The following PPFIA2 variants were observed in gnomAD, a reference collection of about 807,000 sequenced individuals.
PPFIA2 encodes liprin-alpha-2.
PPFIA2 carries 46 observed loss-of-function variants against 175.5 expected under a neutral mutation model. The ratio of observed to expected loss-of-function variants is 0.26; its 90% CI spans 0.21 to 0.34. The LOEUF is 0.34. Among genes scored for constraint, PPFIA2 ranks in the 10% least tolerant of loss-of-function variants. The pLI is 1.00. For synonymous variants in PPFIA2, 568 were observed against 511.4 expected (o/e 1.11, Z -1.49); for missense variants, 1,179 against 1,506.1 (o/e 0.78, Z 3.60).
intron 4 of PPFIA2, among the ~76,000 whole-genome samples, chr12:81,566,102 C>T (rs956864403): frequency 3.4e-4 from 51 of 152,110 alleles, no homozygotes; most frequent in Non-Finnish European, 1.5e-4. Context: ...GTCTGAAGAT[C>T]AAATACTGAG....
At chr12:81,577,504 A>G (rs1408043117) in intron 4 of PPFIA2, among the ~76,000 whole-genome samples, 1 of 151,934 alleles carries the variant, frequency 6.6e-6, no homozygotes, top group Non-Finnish European at 1.5e-5. Context: ...AATTCAAAGA[A>G]GAGGAGGTTG....
chr12:81,693,483 C>G (rs1284033261), intron 3 of PPFIA2, among the ~76,000 whole-genome samples: 1 of 152,090 alleles, frequency 6.6e-6, no homozygotes, highest in African/African-American at 2.4e-5. Flanking sequence ...TGAGGCTTCT[C>G]CAGAAGCCAA....
chr12:81,351,123 A>G (rs1211103885), intron 17 of PPFIA2, among the ~76,000 whole-genome samples: 1 of 152,186 alleles, frequency 6.6e-6, no homozygotes, highest in East Asian at 1.9e-4. Flanking sequence ...ACATTTCTCA[A>G]TATTTGAAAT....
At chr12:81,695,115 G>A (rs913695625) in intron 3 of PPFIA2, among the ~76,000 whole-genome samples, 1 of 152,078 alleles carries the variant, frequency 6.6e-6, no homozygotes, top group African/African-American at 2.4e-5. Context: ...TCTCTGCTGA[G>A]ACTTTGAACT....
intron 3 of PPFIA2, among the ~76,000 whole-genome samples, chr12:81,723,699 A>G (rs2079652294): frequency 6.6e-6 from 1 of 150,986 alleles, no homozygotes; most frequent in Non-Finnish European, 1.5e-5. Context: ...AAATTCTTGC[A>G]AACACAACTA....
chr12:81,289,163 G>A (rs947589972), intron 24 of PPFIA2, among the ~76,000 whole-genome samples: 1 of 151,732 alleles, frequency 6.6e-6, no homozygotes, highest in Non-Finnish European at 1.5e-5. Context: ...CATGTAAAGC[G>A]CTTAGAACAG....
At chr12:81,514,809 G>A (rs1394474869) in intron 4 of PPFIA2, among the ~76,000 whole-genome samples, 2 of 151,742 alleles carry the variant, frequency 1.3e-5, no homozygotes, top group African/African-American at 4.8e-5. Context: ...TAAATCCACT[G>A]TGCTTTCCTT....
intron 7 of PPFIA2, among the ~76,000 whole-genome samples, chr12:81,409,473 C>A (rs1160246984): frequency 6.6e-6 from 1 of 151,922 alleles, no homozygotes; most frequent in Non-Finnish European, 1.5e-5. Flanking sequence ...GGAGTGGGTT[C>A]TGGATAAAAG....
chr12:81,445,622 G>A lies in PPFIA2; in HGVS notation c.504C>T (p.Ser168=), dbSNP rs1265222309. ...KRQAQSPSGV[S]SEVEVLKALK... ...GTGCCTTGAGAACTTCAACTTCACT[G>A]GATACTCCTGAGGGAGACTGGGCTT... The change falls in exon 6 of 33, where the codon TCC becomes TCT. Residue 168 remains serine, a synonymous_variant. Transcript: ENST00000549396. 3 of 1,613,784 alleles carry A rather than the reference G, an allele frequency of 1.9e-6. No homozygotes were observed. Among genetic ancestry groups the A allele is most frequent in the East Asian group, 2.2e-5 (1 of 44,858 alleles).
intron 4 of PPFIA2, among the ~76,000 whole-genome samples, chr12:81,549,448 A>C (rs1243686280): frequency 1.3e-5 from 2 of 152,038 alleles, no homozygotes; most frequent in Non-Finnish European, 2.9e-5. Context: ...CCTAGATGTC[A>C]ACTAGAGTCT....
At chr12:81,641,599 G>T (rs1312542769) in intron 4 of PPFIA2, among the ~76,000 whole-genome samples, 1 of 152,030 alleles carries the variant, frequency 6.6e-6, no homozygotes, top group African/African-American at 2.4e-5. Flanking sequence ...AGCCTGTTGG[G>T]GGATGAAGGA....
At chr12:81,332,110 G>A (rs10862294) in intron 21 of PPFIA2, among the ~76,000 whole-genome samples, 53,655 of 151,438 alleles carry the variant, frequency 0.35, 10,294 homozygotes, top group East Asian at 0.56. Flanking sequence ...AACAGAGCTC[G>A]TTTGCTCTAA....
At chr12:81,376,240 T>G (rs2036324809) in intron 9 of PPFIA2, among the ~76,000 whole-genome samples, 5 of 152,160 alleles carry the variant, frequency 3.3e-5, no homozygotes, top group Non-Finnish European at 7.3e-5. Flanking sequence ...GGCAGATAAA[T>G]TAGTTCATTA....
At chr12:81,510,625 G>A (rs182385395) in intron 4 of PPFIA2, among the ~76,000 whole-genome samples, 1 of 152,198 alleles carries the variant, frequency 6.6e-6, no homozygotes, top group East Asian at 1.9e-4. Context: ...AAATGTGTGT[G>A]GCAGGCATAG....
At chr12:81,551,594 AT>A (rs1010711033) in intron 4 of PPFIA2, among the ~76,000 whole-genome samples, 8 of 151,900 alleles carry the variant, frequency 5.3e-5, no homozygotes, top group Non-Finnish European at 7.4e-5. Context: ...GCATCCATGG[AT>A]TTTGGTTTCT....
chr12:81,611,279 G>A (rs886882247), intron 4 of PPFIA2, among the ~76,000 whole-genome samples: 4 of 152,130 alleles, frequency 2.6e-5, no homozygotes, highest in African/African-American at 9.7e-5. Flanking sequence ...CAGCTCTTCA[G>A]AGGGAGGCAT....
At chr12:81,415,643 T>C (rs951941651) in intron 7 of PPFIA2, among the ~76,000 whole-genome samples, 1 of 149,850 alleles carries the variant, frequency 6.7e-6, no homozygotes, top group African/African-American at 2.4e-5. Context: ...CCTAAAACAG[T>C]AACTGGAATG....
rs376782895 is a variant in PPFIA2, at chr12:81,642,731, GTA to G, written c.303+34058_303+34059del. ...GTATGTATGTATTATATACATACATGTATATGTATGTATGTATTATATACATA... is the reference window on the plus strand; with the variant it reads ...GTATGTATGTATTATATACATACATGTATGTATGTATGTATTATATACATA... On this transcript the variant is annotated intron_variant, in intron 4 of 32. Coordinates refer to ENST00000549396, the MANE Select transcript of PPFIA2 (RefSeq NM_003625.5). Among the ~76,000 whole-genome samples, 31 of 5,286 alleles carry G rather than the reference GTA, an allele frequency of 5.9e-3. 13 individuals carry two copies. The highest frequency in any genetic ancestry group is 0.019 in the African/African-American group (29 of 1,494). The allele number at this position is 5,286 out of a possible 152,430, so 3.5% of individuals were successfully genotyped here.
rs149419505 is a variant in PPFIA2 at position 81,717,011 on chromosome 12, G to T, written c.249+36962C>A. Reference sequence around the variant, plus strand: ...TTGAACTAAAGACATTTCATGATCTGAAGTAATGTAATTGTAAGAATCCAT... The same window carrying T: ...TTGAACTAAAGACATTTCATGATCTTAAGTAATGTAATTGTAAGAATCCAT... On this transcript the variant is annotated intron_variant, in intron 3 of 32. Coordinates refer to ENST00000549396, the MANE Select transcript of PPFIA2 (RefSeq NM_003625.5). Among the ~76,000 whole-genome samples, 1,028 of 151,766 alleles carry T rather than the reference G, an allele frequency of 6.8e-3. 7 individuals are homozygous for T. The highest frequency in any genetic ancestry group is 9.7e-3 in the Non-Finnish European group (658 of 67,774).
Sources: gnomAD v4.1 joint callset for allele counts (sites outside exome capture counted in the v4.1 genomes callset) on GRCh38, gnomAD v4.1.1 for gene constraint, MANE v1.5 for transcripts, NCBI Gene and HGNC (gene_info 2026-07-23, HGNC 2026-07-21) for gene names.